RELN: variants seen among roughly 807,000 people sequenced by gnomAD.
RELN encodes reelin.
A neutral mutation model predicts 427.6 loss-of-function variants in RELN; 108 were observed. That is an observed-to-expected ratio of 0.25 (90% CI 0.22 to 0.30). RELN has a LOEUF of 0.30. RELN is among the 10% of genes least tolerant of loss of function. The pLI, the probability that RELN is intolerant of heterozygous loss-of-function variation, is 1.00. For synonymous variants in RELN, 1,524 were observed against 1,513.4 expected, an observed-to-expected ratio of 1.01 and a Z score of -0.16; for missense variants, 3,715 against 4,302.8, an observed-to-expected ratio of 0.86 and a Z score of 3.82.
In RELN at chr7:103,574,239, T is replaced by C; in HGVS notation, c.4364A>G (p.Glu1455Gly). 1 of 1,614,096 alleles carries C rather than the reference T, an allele frequency of 6.2e-7. No homozygotes were observed. The highest frequency in any genetic ancestry group is 8.5e-7 in the Non-Finnish European group (1 of 1,179,992). The stretch of plus-strand genomic sequence containing the variant: ...GTACCACAGAGGGCTGAGCTTCCCC[T>C]CAAACCTATCGAACATCTCATTGTG... ...PNHNEMFDRF[E>G]GKLSPLWYKI... Residue 1455 changes from glutamate (E) to glycine (G), a missense_variant, in exon 30 of 65, where the codon GAG becomes GGG. Transcript: ENST00000428762.
chr7:103,683,487 C>T (rs1218883278), intron 10 of RELN, among the ~76,000 whole-genome samples: 1 of 152,090 alleles, frequency 6.6e-6, no homozygotes, highest in Non-Finnish European at 1.5e-5. Flanking sequence ...CAGTAAATGA[C>T]AGACCGCATA....
chr7:103,560,283 A>G (rs1044475505), intron 36 of RELN, among the ~76,000 whole-genome samples: 6 of 152,214 alleles, frequency 3.9e-5, no homozygotes, highest in Non-Finnish European at 7.3e-5. Context: ...AGACTATCAT[A>G]TCCTTTTTCA....
chr7:103,965,424 G>C (rs1796641559), intron 1 of RELN, among the ~76,000 whole-genome samples: 1 of 152,132 alleles, frequency 6.6e-6, no homozygotes, highest in African/African-American at 2.4e-5. Context: ...ACACATTATA[G>C]AGTGGCCTTT....
intron 50 of RELN, among the ~76,000 whole-genome samples, chr7:103,512,615 C>G (rs1829455003): frequency 6.6e-6 from 1 of 152,180 alleles, no homozygotes; most frequent in Non-Finnish European, 1.5e-5. Flanking sequence ...TCCTCTCTCT[C>G]TTTCTCTCTT....
At chr7:103,773,156 C>CTTTCTTTCTTTCTT (rs1791626144) in intron 4 of RELN, among the ~76,000 whole-genome samples, 1 of 125,114 alleles carries the variant, frequency 8.0e-6, no homozygotes, top group Non-Finnish European at 1.7e-5. Flanking sequence ...TTCTTTCTTT[C>CTTTCTTTCTTTCTT]TTTCTTTCTT....
At chr7:103,519,553 G>T (rs1235498501) in intron 48 of RELN, 37 bp from the exon 49 acceptor site, 2 of 1,453,528 alleles carry the variant, frequency 1.4e-6, no homozygotes, top group South Asian at 2.3e-5. Flanking sequence ...AAGTGATAAG[G>T]AATCTCGATT....
intron 10 of RELN, among the ~76,000 whole-genome samples, chr7:103,683,371 T>G (rs941481025): frequency 1.3e-5 from 2 of 152,160 alleles, no homozygotes; most frequent in African/African-American, 4.8e-5. Flanking sequence ...GAAATGCCCT[T>G]TAAGGTAATT....
At chr7:103,686,947 A>T (rs766683911) in intron 10 of RELN, among the ~76,000 whole-genome samples, 5 of 152,170 alleles carry the variant, frequency 3.3e-5, no homozygotes, top group Non-Finnish European at 7.4e-5. Flanking sequence ...AATACAGTCC[A>T]GGTGCAGGAG....
At chr7:103,643,553 T>C (rs1832736346) in intron 16 of RELN, among the ~76,000 whole-genome samples, 1 of 151,870 alleles carries the variant, frequency 6.6e-6, no homozygotes, top group Non-Finnish European at 1.5e-5. Flanking sequence ...TGTCCTGGAG[T>C]ACAGCAGCTA....
chr7:103,906,663 T>C (rs1474371352), intron 2 of RELN, among the ~76,000 whole-genome samples: 1 of 152,202 alleles, frequency 6.6e-6, no homozygotes, highest in African/African-American at 2.4e-5. Context: ...GGAATTGACA[T>C]GTCTCAATTC....
chr7:103,575,767 A>G, intron 28 of RELN, 62 bp from the exon 29 acceptor site: 1 of 1,590,802 alleles, frequency 6.3e-7, no homozygotes, highest in Non-Finnish European at 8.6e-7. Context: ...GCATTGGAAT[A>G]TAGAAAAATT....
At chr7:103,645,405 A>T (rs1832777824) in intron 16 of RELN, among the ~76,000 whole-genome samples, 1 of 151,802 alleles carries the variant, frequency 6.6e-6, no homozygotes, top group South Asian at 2.1e-4. Context: ...TGGTAAAGAC[A>T]CTTACAGACT....
At chr7:103,775,982 C>CAG (rs1348426309) in intron 4 of RELN, among the ~76,000 whole-genome samples, 4 of 152,150 alleles carry the variant, frequency 2.6e-5, no homozygotes, top group African/African-American at 9.7e-5. Context: ...AAATGAGCAT[C>CAG]AGAGCGTGGA....
chr7:103,621,596 G>A (rs1285016811), intron 20 of RELN, among the ~76,000 whole-genome samples: 3 of 152,092 alleles, frequency 2.0e-5, no homozygotes, highest in Admixed American at 6.5e-5. Flanking sequence ...GAAGTGCAGT[G>A]TGACTGGAAT....
chr7:103,738,318 T>C lies in RELN; in HGVS notation c.657-10111A>G, dbSNP rs78431896. On this transcript the variant is annotated intron_variant, in intron 6 of 64. Coordinates refer to ENST00000428762, the MANE Select transcript of RELN (RefSeq NM_005045.4). ...TCTTGAGAAAACTAAAATCCATTCA[T>C]GTTTTAGTTCCTTTGCAGTCTCTCT... is the stretch of plus-strand genomic sequence containing the variant. 7.0e-3 allele frequency among the ~76,000 whole-genome samples: 1,069 copies of C among 152,070 alleles called. 17 individuals carry two copies. The highest frequency in any genetic ancestry group is 0.025 in the African/African-American group (1,021 of 41,476).
rs537096232 is a variant in RELN at position 103,968,699 on chromosome 7, C to T, written c.226+20432G>A. Among the ~76,000 whole-genome samples the T allele has an allele frequency of 2.0e-5, 3 of 151,890 alleles. No individual in the cohort carries two copies. Among genetic ancestry groups the T allele is most frequent in the Non-Finnish European group, 4.4e-5 (3 of 67,982 alleles). ...AAAAGAGGCATTAGATTATTAAGAACCAGTTAGAAAAGGTGAAAATAGAAC... is the reference window on the plus strand; with the variant it reads ...AAAAGAGGCATTAGATTATTAAGAATCAGTTAGAAAAGGTGAAAATAGAAC... On this transcript the variant is annotated intron_variant, in intron 1 of 64. Transcript: ENST00000428762. The surrounding 1 kb of genome is among the most constrained non-coding windows in gnomAD (Gnocchi z 4.3).
chr7:103,660,289 C>T (rs2117409700), intron 12 of RELN, among the ~76,000 whole-genome samples: 1 of 152,154 alleles, frequency 6.6e-6, no homozygotes, highest in East Asian at 1.9e-4. Context: ...AAATGAGAGC[C>T]AGTTTGAATT....
At chr7:103,781,120 T>C (rs2116229822) in intron 3 of RELN, among the ~76,000 whole-genome samples, 1 of 152,282 alleles carries the variant, frequency 6.6e-6, no homozygotes, top group African/African-American at 2.4e-5. Context: ...CATATTGGCA[T>C]CTTATCTTGG....
At chr7:103,520,297 T>C (rs1829669702) in intron 48 of RELN, among the ~76,000 whole-genome samples, 1 of 152,140 alleles carries the variant, frequency 6.6e-6, no homozygotes, top group African/African-American at 2.4e-5. Context: ...TGATTATTAT[T>C]ATTTAATTTT....
Sources: gnomAD v4.1 joint callset for allele counts (sites outside exome capture counted in the v4.1 genomes callset) on GRCh38, gnomAD v4.1.1 for gene constraint, Gnocchi (gnomAD v3.1) non-coding constraint, MANE v1.5 for transcripts, NCBI Gene and HGNC (gene_info 2026-07-23, HGNC 2026-07-21) for gene names.